The following DHX29 variants were observed in gnomAD, a reference collection of about 807,000 sequenced individuals.
DHX29 encodes the protein DExH-box helicase 29.
Under a neutral mutation model 167.9 loss-of-function variants are expected in DHX29, and 79 were observed. That is an observed-to-expected ratio of 0.47 (90% CI 0.39 to 0.57). The LOEUF is 0.57. DHX29 is among the 20% of genes least tolerant of loss of function. The probability of loss-of-function intolerance (pLI) is 0.00; values close to 1 mark genes in which losing one functional copy is unlikely to be tolerated. For missense variants in DHX29, 1,347 were observed against 1,593.4 expected, an observed-to-expected ratio of 0.85 and a Z score of 2.63; for synonymous variants, 530 against 546.0, an observed-to-expected ratio of 0.97 and a Z score of 0.41.
chr5:55,290,342 A>G lies in DHX29; in HGVS notation c.783T>C (p.Asn261=), dbSNP rs112295780. ...TTGCTGCAAGATGTAAGTACCTTTC[A>G]TTCTGTTCCAAATAAAACAATGAGG... is the stretch of plus-strand genomic sequence containing the variant. ...SLEEEEKFDP[N]ERYLHLAAKL... is the part of the protein sequence containing the mutation. The change falls in exon 7 of 27, where the codon AAT becomes AAC. Residue 261 remains asparagine (N), a splice_region_variant and synonymous_variant. Coordinates refer to ENST00000251636, the MANE Select transcript of DHX29 (RefSeq NM_019030.4). The G allele has an allele frequency of 9.7e-4, 1,540 of 1,595,742 alleles. 13 individuals carry two copies. In the Middle Eastern group the frequency reaches 0.016, roughly 16 times the overall value.
chr5:55,290,141 A>C, intron 7 of DHX29, 77 bp downstream of exon 7: 2 of 1,489,470 alleles, frequency 1.3e-6, no homozygotes, highest in Non-Finnish European at 1.8e-6. Context: ...TATTAAAAGG[A>C]AGCATCATCC....
chr5:55,257,811 T>C (rs1746123997), intron 26 of DHX29, among the ~76,000 whole-genome samples: 1 of 152,210 alleles, frequency 6.6e-6, no homozygotes, highest in African/African-American at 2.4e-5. Flanking sequence ...AACACTGATA[T>C]CATTTCAAAA....
chr5:55,296,176 T>C, intron 4 of DHX29, 44 bp downstream of exon 4: 1 of 1,563,284 alleles, frequency 6.4e-7, no homozygotes, highest in Non-Finnish European at 8.7e-7. Context: ...CCAAAACTAC[T>C]TCAAAAGGTT....
intron 8 of DHX29, among the ~76,000 whole-genome samples, chr5:55,289,047 C>G (rs1019750604): frequency 3.9e-5 from 6 of 152,114 alleles, no homozygotes; most frequent in African/African-American, 1.4e-4. Flanking sequence ...GGAGATGAAT[C>G]AGAGAGAGAT....
intron 1 of DHX29, among the ~76,000 whole-genome samples, chr5:55,302,881 AC>A (rs1748678242): frequency 6.6e-6 from 1 of 152,144 alleles, no homozygotes; most frequent in Admixed American, 6.5e-5. Context: ...TTGCCTGGAG[AC>A]TTTTACAATT....
At chr5:55,295,743 T>C (rs879387408) in intron 4 of DHX29, among the ~76,000 whole-genome samples, 22 of 152,202 alleles carry the variant, frequency 1.4e-4, no homozygotes, top group Non-Finnish European at 3.1e-4. Flanking sequence ...CTCTTGTATT[T>C]GGCCATTATT....
At chr5:55,298,322 G>C (rs1748422463) in intron 2 of DHX29, among the ~76,000 whole-genome samples, 3 of 152,194 alleles carry the variant, frequency 2.0e-5, no homozygotes, top group African/African-American at 7.2e-5. Context: ...GTAGCAGAGA[G>C]GAGGGTGAAA....
At position 55,278,433 on chromosome 5, in the gene DHX29, A is replaced by G. The variant is rs564778237; in HGVS notation, c.2110-1151T>C. ...ATATTCTGGGTCTATTTCTTCTATA[A>G]AAGGAGAATACAAATAATGCAAATT... On this transcript the variant is annotated intron_variant, in intron 12 of 26. Coordinates refer to ENST00000251636, the MANE Select transcript of DHX29 (RefSeq NM_019030.4). 1.1e-4 allele frequency among the ~76,000 whole-genome samples: 16 copies of G among 152,292 alleles called. 1 individual carries two copies. In the South Asian group the frequency reaches 3.3e-3, roughly 32 times the overall value.
rs1457584469 is a variant in DHX29, at chr5:55,274,594, T to C, written c.2690+20A>G. On this transcript the variant is annotated intron_variant, in intron 16 of 26. Coordinates refer to ENST00000251636, the MANE Select transcript of DHX29 (RefSeq NM_019030.4). The stretch of plus-strand genomic sequence containing the variant: ...TCCTATTTTAAAACTACCAGGAATA[T>C]AATGAAGATGAGTAGTTACCGTTCA... The C allele has an allele frequency of 2.7e-6, 4 of 1,497,844 alleles. No individual in the cohort carries two copies. The highest frequency in any genetic ancestry group is 1.8e-6 in the Non-Finnish European group (2 of 1,096,874). 92.8% of individuals were successfully genotyped at this position (1,497,844 alleles called of 1,614,324 possible). A position where few individuals can be genotyped will look rare whatever the true frequency, so the allele number is the denominator to read the frequency against.
Position 55,294,046 on chromosome 5 carries a change from T to G in DHX29, c.751A>C (p.Ser251Arg). ...TCAAATTTTTCCTCCTCTTCTAAAC[T>G]TTTAGAATTCTCATTCTTTTCTTCT... ...NEEEKNENSKSLEEEEKFDPN... is the reference protein window; with the variant it reads ...NEEEKNENSKRLEEEEKFDPN... Residue 251 changes from serine to arginine, a missense_variant, in exon 6 of 27, where the codon AGT (serine) becomes CGT (arginine). Physicochemically the swap from Ser to Arg is moderately radical, Grantham distance 110 (BLOSUM62 -1). Around this residue, in one of 3 missense-constraint regions of DHX29, gnomAD observed 405 missense variants for 416.8 expected, o/e 0.97. Coordinates refer to ENST00000251636, the MANE Select transcript of DHX29 (RefSeq NM_019030.4). 1.2e-6 allele frequency: 2 copies of G among 1,608,764 alleles called. No homozygotes were observed. Among genetic ancestry groups the G allele is most frequent in the Non-Finnish European group, 1.7e-6 (2 of 1,178,268 alleles).
At chr5:55,278,725 G>A (rs1747248015) in intron 12 of DHX29, among the ~76,000 whole-genome samples, 1 of 152,186 alleles carries the variant, frequency 6.6e-6, no homozygotes, top group South Asian at 2.1e-4. Flanking sequence ...AAGAAAAAGA[G>A]AAGGAAGAAA....
chr5:55,288,109 G>C (rs1039904033), intron 8 of DHX29, among the ~76,000 whole-genome samples: 1 of 151,892 alleles, frequency 6.6e-6, no homozygotes, highest in African/African-American at 2.4e-5. Flanking sequence ...CGGGCATGGG[G>C]GTGCATGCCT....
chr5:55,303,027 T>C (rs947070763), intron 1 of DHX29, among the ~76,000 whole-genome samples: 7 of 152,056 alleles, frequency 4.6e-5, no homozygotes, highest in Non-Finnish European at 1.0e-4. Flanking sequence ...CGATGCAACA[T>C]ATATAGCTGG....
chr5:55,300,189 T>C (rs113162284), intron 1 of DHX29, among the ~76,000 whole-genome samples: 3 of 150,086 alleles, frequency 2.0e-5, no homozygotes, highest in African/African-American at 7.4e-5. Context: ...CTGGGCAATA[T>C]AGTGAGACTT....
intron 6 of DHX29, among the ~76,000 whole-genome samples, chr5:55,293,798 T>C (rs1354536949): frequency 1.3e-5 from 2 of 152,210 alleles, no homozygotes; most frequent in African/African-American, 4.8e-5. Flanking sequence ...TTTAAAATAT[T>C]TGATGATTAT....
chr5:55,272,142 T>C lies in DHX29; in HGVS notation c.2809A>G (p.Ile937Val). The C allele has an allele frequency of 6.3e-7, 1 of 1,583,310 alleles. No homozygotes were observed. Among genetic ancestry groups the C allele is most frequent in the Non-Finnish European group, 8.6e-7 (1 of 1,167,426 alleles). The stretch of plus-strand genomic sequence containing the variant: ...ACAAATACAACATCAGGAATAGTGA[T>C]ACCCGTCTCTGCAATATTGGTTGCT... ...VLATNIAETG[I>V]TIPDVVFVID... Residue 937 changes from isoleucine (I) to valine (V), a missense_variant, in exon 18 of 27, where the codon ATC becomes GTC. This residue lies in a region of DHX29 where 882 missense variants were observed against 1,082.4 expected (regional missense o/e 0.81). Coordinates refer to ENST00000251636, the MANE Select transcript of DHX29 (RefSeq NM_019030.4).
At chr5:55,265,105 A>C (rs1033952105) in intron 23 of DHX29, among the ~76,000 whole-genome samples, 2 of 151,672 alleles carry the variant, frequency 1.3e-5, no homozygotes, top group Non-Finnish European at 2.9e-5. Context: ...AAAAAAAAAA[A>C]AACAAAGATG....
At position 55,274,747 on chromosome 5, in the gene DHX29, A is replaced by G. The variant is rs987563956; in HGVS notation, c.2573-16T>C. 6.4e-7 allele frequency: 1 copy of G among 1,574,014 alleles called. No individual in the cohort carries two copies. The highest frequency in any genetic ancestry group is 2.3e-5 in the East Asian group (1 of 44,322). Reference sequence around the variant, plus strand: ...GGACTTTTATCTGAAATTTTTAAAAAGATACAATATTCAAAATAAGAAGAT... The same window carrying G: ...GGACTTTTATCTGAAATTTTTAAAAGGATACAATATTCAAAATAAGAAGAT... On this transcript the variant is annotated splice_polypyrimidine_tract_variant and intron_variant, in intron 15 of 26. Transcript: ENST00000251636.
At chr5:55,260,356 G>A (rs549352065) in intron 25 of DHX29, among the ~76,000 whole-genome samples, 260 of 151,748 alleles carry the variant, frequency 1.7e-3, no homozygotes, top group African/African-American at 6.0e-3. Context: ...CTCAGCCTCC[G>A]GAGTAGCTGG....
Sources: gnomAD v4.1 joint callset for allele counts (sites outside exome capture counted in the v4.1 genomes callset) on GRCh38, gnomAD v4.1.1 for gene constraint, gnomAD v4.1.1 regional missense constraint, MANE v1.5 for transcripts, NCBI Gene and HGNC (gene_info 2026-07-23, HGNC 2026-07-21) for gene names.